Variants in BTD observed in about 807,000 individuals in gnomAD.
BTD encodes biocytinase.
A neutral mutation model predicts 17.7 loss-of-function variants in BTD; 13 were observed. The ratio of observed to expected loss-of-function variants is 0.74; its 90% CI spans 0.48 to 1.17. The LOEUF (loss-of-function observed/expected upper bound fraction) is 1.17, where lower values mean the gene tolerates loss of function less well. BTD is among the 50% of genes most tolerant of loss of function. BTD has a pLI of 0.00. For synonymous variants in BTD, 240 were observed against 245.2 expected (o/e 0.98, Z 0.20); for missense variants, 674 against 650.4 (o/e 1.04, Z -0.39).
chr3:15,661,082 A>T (rs1575041271), intron 3 of BTD, among the ~76,000 whole-genome samples: 1 of 151,938 alleles, frequency 6.6e-6, no homozygotes, highest in African/African-American at 2.4e-5. Flanking sequence ...CCTGGCCAAC[A>T]TGGTGAAACC....
chr3:15,708,160 C>T, intron 3 of BTD: 1 of 1,370,306 alleles, frequency 7.3e-7, no homozygotes, highest in Non-Finnish European at 1.0e-6. Flanking sequence ...GTTACAAATA[C>T]TTTATTTACA....
intron 3 of BTD, among the ~76,000 whole-genome samples, chr3:15,659,308 GGGATAATAA>G (rs2091805623): frequency 6.6e-6 from 1 of 151,570 alleles, no homozygotes; most frequent in African/African-American, 2.4e-5. Context: ...GAGTGTGGGG[GGGATAATAA>G]GGCAGATCCA....
chr3:15,670,035 A>G (rs2066195950), intron 3 of BTD: 1 of 478,054 alleles, frequency 2.1e-6, no homozygotes, highest in Non-Finnish European at 3.7e-6. Context: ...AATTCCACAA[A>G]GAATTCTGAC....
chr3:15,680,071 A>G (rs1415301638), intron 3 of BTD, among the ~76,000 whole-genome samples: 3 of 152,158 alleles, frequency 2.0e-5, no homozygotes, highest in Non-Finnish European at 1.5e-5. Flanking sequence ...CTGGAAACCA[A>G]TCCTCAACAG....
At chr3:15,702,494 ATTT>A (rs1363082120) in intron 3 of BTD, among the ~76,000 whole-genome samples, 2 of 152,246 alleles carry the variant, frequency 1.3e-5, no homozygotes, top group Non-Finnish European at 2.9e-5. Context: ...CTGAAAAAAT[ATTT>A]AAGGCTAAAC....
In BTD at chr3:15,635,467, C is replaced by G. The variant is rs752626624; in HGVS notation, c.28C>G (p.Leu10Val). The stretch of plus-strand genomic sequence containing the variant: ...GTCTGGAGCCAGAAGTAAGCTTGCT[C>G]TTTTCCTCTGCGGCTGTTACGTGGT... The part of the protein sequence containing the change: MSGARSKLA[L>V]FLCGCYVVAL... Residue 10 changes from leucine to valine, a missense_variant, in exon 2 of 4, where the codon CTT becomes GTT. By Grantham distance (32) the Leu-to-Val change is conservative (BLOSUM62 1). Transcript: ENST00000643237. This position sits in a 1 kb window ranked among gnomAD's most constrained non-coding sequence, Gnocchi z 4.1. 1 of 1,614,124 alleles carries G rather than the reference C, an allele frequency of 6.2e-7. No individual in the cohort carries two copies. Among genetic ancestry groups the G allele is most frequent in the Non-Finnish European group, 8.5e-7 (1 of 1,180,054 alleles).
chr3:15,649,972 CAGAG>C lies in BTD; in HGVS notation c.*4488_*4491del, dbSNP rs1343269420. ...CTATTTTACAGATGGGGAAAACTGA[CAGAG>C]AGATATTAATGAATTGCCCACATGC... is the stretch of plus-strand genomic sequence containing the variant. On this transcript the variant is annotated 3_prime_UTR_variant, in exon 4 of 4. Transcript: ENST00000643237. Among the ~76,000 whole-genome samples the C allele has an allele frequency of 2.0e-4, 31 of 152,334 alleles. No homozygotes were observed. The South Asian group carries it at 3.3e-3, about 16-fold the overall frequency.
At chr3:15,693,411 C>A (rs1480193678) in intron 3 of BTD, among the ~76,000 whole-genome samples, 2 of 19,764 alleles carry the variant, frequency 1.0e-4, no homozygotes, top group African/African-American at 2.2e-4. Context: ...GAGAAACTTG[C>A]CAAATTGAAG....
Position 15,652,394 on chromosome 3 carries a change from G to A in BTD, c.*6906G>A, listed in dbSNP as rs535885390. Among the ~76,000 whole-genome samples, 246 of 151,894 alleles carry A rather than the reference G, an allele frequency of 1.6e-3. 4 individuals carry two copies. Among genetic ancestry groups the A allele is most frequent in the Non-Finnish European group, 2.9e-4 (20 of 67,970 alleles). On this transcript the variant is annotated 3_prime_UTR_variant, in exon 4 of 4. Transcript: ENST00000643237. ...GCTATCTTGGGTCCCTCCCTCTGGG[G>A]AAAGCCAGTTGCCATCTCCCAAGGA...
intron 3 of BTD, among the ~76,000 whole-genome samples, chr3:15,660,807 G>T (rs796959982): frequency 7.2e-5 from 11 of 152,222 alleles, no homozygotes; most frequent in African/African-American, 2.6e-4. Flanking sequence ...GGCAACCGCT[G>T]ATCTTTTTAC....
exon 4 of BTD, among the ~76,000 whole-genome samples, chr3:15,711,692 ATT>A (rs879312791): frequency 1.4e-5 from 2 of 144,978 alleles, no homozygotes; most frequent in Non-Finnish European, 1.5e-5. Context: ...GGTTTTCTGT[ATT>A]TTTTTTTTTT....
At position 15,684,311 on chromosome 3, in the gene BTD, G is replaced by A. The variant is rs374063500; in HGVS notation, c.400-25749G>A. On this transcript the variant is annotated intron_variant, in intron 3 of 3. Coordinates refer to the BTD transcript ENST00000672141. ...TGCTTCCCTACGTGACCTTTTATGA[G>A]TCTACCTATAAAAGCGATGACTGTG... The A allele has an allele frequency of 6.6e-5, 10 of 152,268 alleles. No individual in the cohort carries two copies. The South Asian group carries it at 2.1e-3, about 32-fold the overall frequency. 9.4% of individuals were successfully genotyped at this position (152,268 alleles called of 1,614,324 possible). A position where few individuals can be genotyped will look rare whatever the true frequency, so the allele number is the denominator to read the frequency against.
intron 3 of BTD, among the ~76,000 whole-genome samples, chr3:15,703,000 G>C (rs2070838812): frequency 1.3e-5 from 2 of 152,302 alleles, no homozygotes; most frequent in South Asian, 2.1e-4. Flanking sequence ...AATAGGCACA[G>C]AGAGGTTAAG....
At chr3:15,693,605 A>ATGCTGCTGCTGC (rs56816346) in intron 3 of BTD, among the ~76,000 whole-genome samples, 1 of 151,884 alleles carries the variant, frequency 6.6e-6, no homozygotes, top group Non-Finnish European at 1.5e-5. Flanking sequence ...TATAATGAGA[A>ATGCTGCTGCTGC]TGCTGCTGCT....
intron 3 of BTD, among the ~76,000 whole-genome samples, chr3:15,659,890 A>G (rs1250466975): frequency 6.6e-6 from 1 of 152,216 alleles, no homozygotes; most frequent in Non-Finnish European, 1.5e-5. Context: ...CATTTCATAG[A>G]TAGGACATCT....
chr3:15,634,747 G>T (rs755962958), intron 1 of BTD, among the ~76,000 whole-genome samples: 24 of 152,214 alleles, frequency 1.6e-4, no homozygotes, highest in Non-Finnish European at 3.5e-4. Context: ...CGATTCTCAA[G>T]TTCAAGGAGA....
At chr3:15,604,833 C>T (rs915120947) in intron 1 of BTD, among the ~76,000 whole-genome samples, 6 of 152,232 alleles carry the variant, frequency 3.9e-5, no homozygotes, top group African/African-American at 7.2e-5. Flanking sequence ...ATAAGTTCCT[C>T]ATCTCCATCA....
chr3:15,603,299 T>C (rs1315178919), intron 1 of BTD, among the ~76,000 whole-genome samples: 2 of 152,216 alleles, frequency 1.3e-5, no homozygotes, highest in African/African-American at 2.4e-5. Flanking sequence ...AACTCGAAAG[T>C]CCACAGTCCA....
At chr3:15,657,361 T>C (rs1028682485), downstream of BTD, among the ~76,000 whole-genome samples, 21 of 152,206 alleles carry the variant, frequency 1.4e-4, no homozygotes, top group African/African-American at 4.8e-4. Context: ...TTTTTATTTA[T>C]TGAGTGCTTA....
Sources: gnomAD v4.1 joint callset for allele counts (sites outside exome capture counted in the v4.1 genomes callset) on GRCh38, gnomAD v4.1.1 for gene constraint, Gnocchi (gnomAD v3.1) non-coding constraint, MANE v1.5 for transcripts, NCBI Gene and HGNC (gene_info 2026-07-23, HGNC 2026-07-21) for gene names.